The following IL20RA variants were observed in gnomAD, a reference collection of about 807,000 sequenced individuals.
IL20RA encodes interleukin-20 receptor subunit alpha.
In IL20RA, 29 loss-of-function variants were observed where a neutral mutation model predicts 36.5. That is an observed-to-expected ratio of 0.79 (90% CI 0.59 to 1.08). The LOEUF is 1.08. Among genes scored for constraint, IL20RA ranks in the 50% least tolerant of loss-of-function variants. The pLI is 0.00. For missense variants in IL20RA, 652 were observed against 668.4 expected (o/e 0.98, Z 0.27); for synonymous variants, 279 against 267.1 (o/e 1.04, Z -0.43).
chr6:137,027,636 G>A (rs1776140158), intron 1 of IL20RA, among the ~76,000 whole-genome samples: 1 of 152,222 alleles, frequency 6.6e-6, no homozygotes, highest in Non-Finnish European at 1.5e-5. Context: ...TTGTTGCAAT[G>A]ATTAAGATTC....
intron 1 of IL20RA, among the ~76,000 whole-genome samples, chr6:137,032,104 G>T: frequency 6.6e-6 from 1 of 151,832 alleles, no homozygotes; most frequent in East Asian, 1.9e-4. Flanking sequence ...ATCCAGTATG[G>T]TATCTACTTG....
rs1019798825 is a variant in IL20RA at position 137,044,082 on chromosome 6, G to C, written c.88+559C>G. The C allele has an allele frequency of 3.0e-6, 3 of 983,882 alleles. No homozygotes were observed. In the African/African-American group the frequency reaches 5.2e-5, roughly 17 times the overall value. 60.9% of individuals were successfully genotyped at this position (983,882 alleles called of 1,614,324 possible). On this transcript the variant is annotated intron_variant, in intron 1 of 6. Coordinates refer to ENST00000316649, the MANE Select transcript of IL20RA (RefSeq NM_014432.4). ...GAAACAACGGCGTACCCAGGACAGG[G>C]GGAGCTTACTTTAAGAAGCTGCGTC... is the stretch of plus-strand genomic sequence containing the variant.
intron 6 of IL20RA, among the ~76,000 whole-genome samples, chr6:137,003,809 G>A (rs1234833976): frequency 6.6e-6 from 1 of 152,058 alleles, no homozygotes; most frequent in Admixed American, 6.5e-5. Context: ...GAGCCTCCTT[G>A]TTTAGGGGTG....
intron 1 of IL20RA, among the ~76,000 whole-genome samples, chr6:137,027,128 C>G (rs567541115): frequency 1.3e-5 from 2 of 152,264 alleles, no homozygotes; most frequent in Non-Finnish European, 2.9e-5. Flanking sequence ...GTGGTCCACC[C>G]GCCTTGGCCT....
At chr6:137,025,345 G>A (rs1776050082) in intron 1 of IL20RA, among the ~76,000 whole-genome samples, 1 of 152,182 alleles carries the variant, frequency 6.6e-6, no homozygotes, top group Non-Finnish European at 1.5e-5. Flanking sequence ...TGAGGACATA[G>A]TGAGAAGATG....
intron 1 of IL20RA, chr6:137,044,195 G>C (rs914558465): frequency 1.5e-4 from 152 of 986,770 alleles, no homozygotes; most frequent in Admixed American, 1.8e-4. Flanking sequence ...TTGCAGGACT[G>C]CGGGGCCCGG....
intron 1 of IL20RA, among the ~76,000 whole-genome samples, chr6:137,042,525 TG>T (rs1287981904): frequency 1.3e-5 from 2 of 152,180 alleles, no homozygotes; most frequent in Admixed American, 1.3e-4. Flanking sequence ...AACTTCACTG[TG>T]AAATTCTGTC....
chr6:137,006,578 G>T (rs552401286), intron 5 of IL20RA, among the ~76,000 whole-genome samples: 1 of 152,168 alleles, frequency 6.6e-6, no homozygotes, highest in Non-Finnish European at 1.5e-5. Context: ...ATGTTTTAAA[G>T]AATAGTTCCA....
At chr6:137,025,364 T>C (rs1776050699) in intron 1 of IL20RA, among the ~76,000 whole-genome samples, 2 of 152,206 alleles carry the variant, frequency 1.3e-5, no homozygotes, top group African/African-American at 4.8e-5. Flanking sequence ...TGACCATCTA[T>C]GAACCAGGAA....
chr6:137,005,369 C>G (rs1775242317), intron 5 of IL20RA, among the ~76,000 whole-genome samples: 1 of 152,110 alleles, frequency 6.6e-6, no homozygotes, highest in Non-Finnish European at 1.5e-5. Flanking sequence ...GCAGTTAACT[C>G]CCTTCCCGGG....
At chr6:137,016,212 G>T (rs1050888905) in intron 2 of IL20RA, among the ~76,000 whole-genome samples, 9 of 152,138 alleles carry the variant, frequency 5.9e-5, no homozygotes, top group Admixed American at 1.3e-4. Context: ...TTCTATTTCA[G>T]TTTCACCACC....
intron 2 of IL20RA, among the ~76,000 whole-genome samples, chr6:137,015,098 G>A (rs1775634269): frequency 6.6e-6 from 1 of 152,130 alleles, no homozygotes; most frequent in Non-Finnish European, 1.5e-5. Context: ...TTGCTAAAAT[G>A]GCCATGAATC....
chr6:137,025,125 T>A (rs892874989), intron 1 of IL20RA, among the ~76,000 whole-genome samples: 1 of 152,228 alleles, frequency 6.6e-6, no homozygotes. Context: ...ATTTCCCTTT[T>A]ATTATATTAT....
At chr6:137,015,101 C>T (rs531948043) in intron 2 of IL20RA, among the ~76,000 whole-genome samples, 1 of 152,270 alleles carries the variant, frequency 6.6e-6, no homozygotes, top group African/African-American at 2.4e-5. Context: ...CTAAAATGGC[C>T]ATGAATCATT....
chr6:137,030,457 G>T (rs540116203), intron 1 of IL20RA, among the ~76,000 whole-genome samples: 2 of 152,168 alleles, frequency 1.3e-5, no homozygotes, highest in East Asian at 3.9e-4. Flanking sequence ...ATTTGGCAAA[G>T]AATAAATAAG....
chr6:137,038,206 T>A (rs13206226), intron 1 of IL20RA: 5 of 39,088 alleles, frequency 1.3e-4, no homozygotes, highest in African/African-American at 2.0e-4. Flanking sequence ...TTTGTTCTCC[T>A]TTTTTTTTTT....
At chr6:137,032,887 T>C (rs1319536846) in intron 1 of IL20RA, among the ~76,000 whole-genome samples, 1 of 152,198 alleles carries the variant, frequency 6.6e-6, no homozygotes, top group Non-Finnish European at 1.5e-5. Flanking sequence ...TTCCATATGC[T>C]GAACAGGACT....
At chr6:137,011,196 G>T in intron 3 of IL20RA, 78 bp downstream of exon 3, 2 of 1,213,048 alleles carry the variant, frequency 1.6e-6, no homozygotes, top group Non-Finnish European at 2.3e-6. Context: ...TCTGGGCAAG[G>T]CTGTCTGTGA....
At chr6:137,025,281 A>T (rs1462917506) in intron 1 of IL20RA, among the ~76,000 whole-genome samples, 1 of 152,144 alleles carries the variant, frequency 6.6e-6, no homozygotes, top group Admixed American at 6.5e-5. Flanking sequence ...CATGAGTGGG[A>T]TTAGTGCCCT....
Sources: allele counts gnomAD v4.1 joint callset (sites outside exome capture counted in the v4.1 genomes callset), GRCh38; gene constraint gnomAD v4.1.1; transcripts MANE v1.5; gene names NCBI Gene and HGNC (gene_info 2026-07-23, HGNC 2026-07-21).